Variants in CNTN5 observed in about 807,000 individuals in gnomAD.
CNTN5 encodes the protein contactin-5.
A neutral mutation model predicts 129.1 loss-of-function variants in CNTN5; 77 were observed. The observed-to-expected ratio is 0.60, with a 90% CI of 0.50 to 0.72. The LOEUF (loss-of-function observed/expected upper bound fraction) is 0.72. CNTN5 is among the 30% of genes least tolerant of loss of function. The pLI, the probability that CNTN5 is intolerant of heterozygous loss-of-function variation, is 0.00. For synonymous variants in CNTN5, 509 were observed against 465.6 expected (o/e 1.09, Z -1.20); for missense variants, 1,478 against 1,328.8 (o/e 1.11, Z -1.75).
chr11:99,402,215 T>A (rs1489799539), intron 2 of CNTN5, among the ~76,000 whole-genome samples: 1 of 152,214 alleles, frequency 6.6e-6, no homozygotes, highest in Admixed American at 6.5e-5. Context: ...CTGTCCTATG[T>A]GGCTTTTATT....
At chr11:99,977,280 A>G (rs558288070) in intron 8 of CNTN5, among the ~76,000 whole-genome samples, 1 of 152,320 alleles carries the variant, frequency 6.6e-6, no homozygotes, top group African/African-American at 2.4e-5. Flanking sequence ...TCAAGTCTCC[A>G]GGAAGTTTTA....
intron 13 of CNTN5, among the ~76,000 whole-genome samples, chr11:100,137,472 A>T (rs2138237812): frequency 6.6e-6 from 1 of 152,288 alleles, no homozygotes; most frequent in African/African-American, 2.4e-5. Flanking sequence ...ATTACACAAT[A>T]AATAAATTCT....
intron 3 of CNTN5, among the ~76,000 whole-genome samples, chr11:99,710,579 GTGTGTGTGTGTGTGTGTGTGTGTA>G (rs1565449891): frequency 7.5e-6 from 1 of 133,210 alleles, no homozygotes; most frequent in African/African-American, 2.8e-5. Context: ...GTGTGTGTGT[GTGTGTGTGTGTGTGTGTGTGTGTA>G]TGTATGTATG....
intron 16 of CNTN5, among the ~76,000 whole-genome samples, chr11:100,248,151 G>A (rs935968665): frequency 6.6e-6 from 1 of 152,104 alleles, no homozygotes; most frequent in African/African-American, 2.4e-5. Flanking sequence ...GCATATTTGG[G>A]ATCAAAATTC....
chr11:99,273,869 T>A (rs1405151381), intron 1 of CNTN5, among the ~76,000 whole-genome samples: 1 of 151,654 alleles, frequency 6.6e-6, no homozygotes, highest in Non-Finnish European at 1.5e-5. Context: ...TTTTTATCAG[T>A]TTTGTCATTG....
chr11:99,666,821 A>C (rs1463224037), intron 3 of CNTN5, among the ~76,000 whole-genome samples: 1 of 152,134 alleles, frequency 6.6e-6, no homozygotes, highest in Admixed American at 6.5e-5. Flanking sequence ...GAGCTGAAAA[A>C]ACAAATTCTG....
At chr11:99,198,644 G>T (rs1465138388) in intron 1 of CNTN5, among the ~76,000 whole-genome samples, 1 of 152,060 alleles carries the variant, frequency 6.6e-6, no homozygotes, top group African/African-American at 2.4e-5. Context: ...TGTTTAAGTG[G>T]AATATTTTGT....
At chr11:99,668,191 A>T (rs1952877509) in intron 3 of CNTN5, among the ~76,000 whole-genome samples, 1 of 152,048 alleles carries the variant, frequency 6.6e-6, no homozygotes, top group African/African-American at 2.4e-5. Context: ...GAAAAGGGGG[A>T]GGTAAAGGGA....
chr11:99,572,761 T>G (rs540483691), intron 3 of CNTN5, among the ~76,000 whole-genome samples: 5 of 23,074 alleles, frequency 2.2e-4, no homozygotes, highest in East Asian at 4.0e-4. Flanking sequence ...TAATTGAGGG[T>G]TTTTTTTAAA....
At chr11:99,554,279 A>ATG (rs1352006987) in intron 2 of CNTN5, among the ~76,000 whole-genome samples, 1 of 151,996 alleles carries the variant, frequency 6.6e-6, no homozygotes, top group Non-Finnish European at 1.5e-5. Context: ...TTATTTATCC[A>ATG]TGTGTTCCTT....
intron 1 of CNTN5, among the ~76,000 whole-genome samples, chr11:99,038,785 A>G (rs569898064): frequency 2.6e-5 from 4 of 152,074 alleles, no homozygotes; most frequent in Admixed American, 1.3e-4. Flanking sequence ...GTACATATAT[A>G]GTATATATAA....
chr11:99,420,274 C>T (rs1469502902), intron 2 of CNTN5, among the ~76,000 whole-genome samples: 7 of 151,926 alleles, frequency 4.6e-5, no homozygotes, highest in African/African-American at 1.5e-4. Context: ...TTTGAAAAAA[C>T]GTAAGTCAAA....
chr11:99,559,176 C>T (rs903714315), intron 3 of CNTN5, among the ~76,000 whole-genome samples: 2 of 152,000 alleles, frequency 1.3e-5, no homozygotes, highest in Non-Finnish European at 2.9e-5. Context: ...ATTATAGGGC[C>T]TATTTGGCAC....
intron 1 of CNTN5, among the ~76,000 whole-genome samples, chr11:99,104,442 T>G (rs570400793): frequency 5.3e-4 from 81 of 152,140 alleles, no homozygotes; most frequent in African/African-American, 1.9e-3. Context: ...AGTACAAAGT[T>G]CCAGTTAGAT....
chr11:100,275,276 G>C (rs956950755), intron 18 of CNTN5, among the ~76,000 whole-genome samples: 1 of 152,132 alleles, frequency 6.6e-6, no homozygotes, highest in Non-Finnish European at 1.5e-5. Flanking sequence ...CATAAAACCA[G>C]CCATGCTTTC....
At chr11:99,040,747 C>A (rs774302750) in intron 1 of CNTN5, among the ~76,000 whole-genome samples, 8 of 152,054 alleles carry the variant, frequency 5.3e-5, no homozygotes, top group Admixed American at 1.3e-4. Context: ...ATTCAAGGAA[C>A]AAAATCTTGC....
chr11:100,015,304 G>A (rs957129802), intron 9 of CNTN5, among the ~76,000 whole-genome samples: 2 of 152,072 alleles, frequency 1.3e-5, no homozygotes, highest in African/African-American at 4.8e-5. Context: ...TATCTGTGCT[G>A]GTATGCCCAA....
chr11:99,408,442 A>AAG (rs1555137814), intron 2 of CNTN5, among the ~76,000 whole-genome samples: 600 of 57,040 alleles, frequency 0.011, 6 homozygotes, highest in South Asian at 0.028. Context: ...GAAAGAAAGA[A>AAG]AGAAAGAGAA....
intron 8 of CNTN5, among the ~76,000 whole-genome samples, chr11:99,964,607 G>T (rs1951043442): frequency 6.6e-6 from 1 of 151,000 alleles, no homozygotes; most frequent in African/African-American, 2.4e-5. Flanking sequence ...AGGGATTTTG[G>T]TCTAAAATTC....
Sources: gnomAD v4.1 joint callset for allele counts (sites outside exome capture counted in the v4.1 genomes callset) on GRCh38, gnomAD v4.1.1 for gene constraint, MANE v1.5 for transcripts, NCBI Gene and HGNC (gene_info 2026-07-23, HGNC 2026-07-21) for gene names.